Variants in TANC2 observed in about 807,000 individuals in gnomAD.
TANC2 encodes tetratricopeptide repeat, ankyrin repeat and coiled-coil containing 2.
Under a neutral mutation model 210.5 loss-of-function variants are expected in TANC2, and 26 were observed. The ratio of observed to expected loss-of-function variants is 0.12; its 90% CI spans 0.09 to 0.17. The LOEUF is 0.17. Ranked by LOEUF, TANC2 falls within the 10% of genes least tolerant of loss-of-function variation. TANC2 has a pLI of 1.00. For missense variants in TANC2, 2,129 were observed against 2,608.9 expected (o/e 0.82, Z 4.01); for synonymous variants, 931 against 967.1 (o/e 0.96, Z 0.69).
chr17:63,124,026 G>A (rs2145161402), intron 4 of TANC2, among the ~76,000 whole-genome samples: 1 of 152,150 alleles, frequency 6.6e-6, no homozygotes, highest in South Asian at 2.1e-4. Flanking sequence ...GATGCGAATT[G>A]AACAAATAGA....
intron 14 of TANC2, among the ~76,000 whole-genome samples, chr17:63,373,788 C>T (rs544311858): frequency 6.6e-6 from 1 of 152,264 alleles, no homozygotes; most frequent in East Asian, 1.9e-4. Flanking sequence ...CAAGGCCAGC[C>T]TGGCCAACAT....
chr17:63,411,458 C>T (rs1395881187), intron 21 of TANC2, 53 bp from the exon 22 acceptor site: 1 of 1,537,498 alleles, frequency 6.5e-7, no homozygotes, highest in Non-Finnish European at 8.8e-7. Flanking sequence ...ACTTCCCCTC[C>T]TGCTGTGTGA....
chr17:63,221,442 C>CAA (rs755699051), intron 7 of TANC2, among the ~76,000 whole-genome samples: 7 of 87,508 alleles, frequency 8.0e-5, no homozygotes, highest in Admixed American at 1.3e-4. Flanking sequence ...GACTCCATCT[C>CAA]AAAAAAAAAA....
At chr17:63,183,586 T>C (rs1438185468) in intron 5 of TANC2, among the ~76,000 whole-genome samples, 1 of 152,218 alleles carries the variant, frequency 6.6e-6, no homozygotes, top group African/African-American at 2.4e-5. Context: ...GAGTGATGGG[T>C]ACACTGACAG....
chr17:63,040,367 A>G (rs774682638), intron 2 of TANC2, among the ~76,000 whole-genome samples: 1 of 152,302 alleles, frequency 6.6e-6, no homozygotes. Context: ...TATAGAAACA[A>G]TTGAGCATCA....
At chr17:63,357,433 T>G (rs1165344190) in intron 14 of TANC2, among the ~76,000 whole-genome samples, 1 of 152,254 alleles carries the variant, frequency 6.6e-6, no homozygotes, top group Non-Finnish European at 1.5e-5. Context: ...ACTGATGCAC[T>G]GGGACAAGAG....
chr17:63,169,265 C>T (rs556640453), intron 5 of TANC2, among the ~76,000 whole-genome samples: 1 of 152,260 alleles, frequency 6.6e-6, no homozygotes, highest in Admixed American at 6.5e-5. Context: ...TTGCCTATTA[C>T]TTATGTTAGT....
At chr17:63,370,189 T>TC (rs1474978396) in intron 14 of TANC2, among the ~76,000 whole-genome samples, 1 of 151,064 alleles carries the variant, frequency 6.6e-6, no homozygotes, top group Non-Finnish European at 1.5e-5. Context: ...TTTCTTTTTT[T>TC]TTTTTTTGAG....
chr17:63,101,530 C>A (rs2037619633), intron 4 of TANC2, among the ~76,000 whole-genome samples: 1 of 152,116 alleles, frequency 6.6e-6, no homozygotes, highest in Non-Finnish European at 1.5e-5. Flanking sequence ...GCTTATTATT[C>A]TTCAGTGCTT....
chr17:63,102,029 G>C (rs1312839759), intron 4 of TANC2, among the ~76,000 whole-genome samples: 1 of 152,156 alleles, frequency 6.6e-6, no homozygotes, highest in South Asian at 2.1e-4. Flanking sequence ...GCTGGGGCAC[G>C]ATGGCTCATA....
chr17:63,009,289 G>A (rs944603563), intron 1 of TANC2, among the ~76,000 whole-genome samples: 6 of 151,224 alleles, frequency 4.0e-5, no homozygotes, highest in African/African-American at 7.3e-5. Context: ...TTTACTTTTT[G>A]TGGGTACATA....
At chr17:63,034,621 A>C (rs1006342682) in intron 2 of TANC2, among the ~76,000 whole-genome samples, 2 of 152,222 alleles carry the variant, frequency 1.3e-5, no homozygotes, top group Admixed American at 6.5e-5. Flanking sequence ...GATGCCATTA[A>C]GAACATTTAT....
intron 2 of TANC2, among the ~76,000 whole-genome samples, chr17:63,060,585 A>T (rs1432774555): frequency 3.3e-5 from 5 of 151,876 alleles, no homozygotes; most frequent in African/African-American, 1.2e-4. Flanking sequence ...GCACCACTGC[A>T]CTCCAACCTG....
chr17:63,066,963 G>A (rs1012018006), intron 2 of TANC2, among the ~76,000 whole-genome samples: 2 of 152,128 alleles, frequency 1.3e-5, no homozygotes, highest in African/African-American at 4.8e-5. Context: ...AACTTCACAG[G>A]TGTGAATTTG....
chr17:63,117,256 C>G (rs1288471716), intron 4 of TANC2: 2 of 152,130 alleles, frequency 1.3e-5, no homozygotes. Context: ...CATTAGAAAC[C>G]TAAGAACCAG....
At chr17:63,052,629 TTA>T (rs1386495753) in intron 2 of TANC2, among the ~76,000 whole-genome samples, 1 of 152,212 alleles carries the variant, frequency 6.6e-6, no homozygotes, top group Non-Finnish European at 1.5e-5. Flanking sequence ...AAGTGTTAAC[TTA>T]TATCCTATGG....
intron 4 of TANC2, among the ~76,000 whole-genome samples, chr17:63,102,802 G>T (rs1033525713): frequency 1.3e-5 from 2 of 152,048 alleles, no homozygotes; most frequent in African/African-American, 4.8e-5. Flanking sequence ...CATTAGCCTT[G>T]TGCAGTCAGC....
chr17:63,181,384 A>G (rs533573490), intron 5 of TANC2, among the ~76,000 whole-genome samples: 2 of 152,200 alleles, frequency 1.3e-5, no homozygotes, highest in Non-Finnish European at 2.9e-5. Flanking sequence ...ACTACCCTCT[A>G]CAGTCTCAAC....
chr17:63,357,028 ACAATC>A (rs1211448873), intron 14 of TANC2, among the ~76,000 whole-genome samples: 5 of 152,234 alleles, frequency 3.3e-5, no homozygotes, highest in African/African-American at 4.8e-5. Context: ...AACAATAAAA[ACAATC>A]CAAGTCCCTT....
Sources: allele counts gnomAD v4.1 joint callset (sites outside exome capture counted in the v4.1 genomes callset), GRCh38; gene constraint gnomAD v4.1.1; transcripts MANE v1.5; gene names NCBI Gene and HGNC (gene_info 2026-07-23, HGNC 2026-07-21).